The following SOX5 variants were observed in gnomAD, a reference collection of about 807,000 sequenced individuals.
SOX5 encodes SRY-box transcription factor 5, also known as transcription factor SOX-5.
A neutral mutation model predicts 92.0 loss-of-function variants in SOX5; 9 were observed. That is an observed-to-expected ratio of 0.10 (90% CI 0.06 to 0.17). The LOEUF (loss-of-function observed/expected upper bound fraction) is 0.17. SOX5 is among the 10% of genes least tolerant of loss of function. The pLI is 1.00. For synonymous variants in SOX5, 344 were observed against 336.3 expected, an observed-to-expected ratio of 1.02 and a Z score of -0.25; for missense variants, 642 against 944.5, an observed-to-expected ratio of 0.68 and a Z score of 4.20.
intron 4 of SOX5, among the ~76,000 whole-genome samples, chr12:24,100,813 G>A (rs187734628): frequency 2.0e-5 from 3 of 152,120 alleles, no homozygotes; most frequent in East Asian, 3.9e-4. Context: ...TTCACTAAAT[G>A]TCATCTACAT....
Position 23,874,972 on chromosome 12 carries a change from G to T in SOX5, c.270+20821C>A, listed in dbSNP as rs113037452. On this transcript the variant is annotated intron_variant, in intron 2 of 14. Coordinates refer to ENST00000451604, the MANE Select transcript of SOX5 (RefSeq NM_006940.6). ...TCAAAAGACCTCAGGCTTTAATGTG[G>T]CCTACGTGGATATTTTAGAACAGTG... is the stretch of plus-strand genomic sequence containing the variant. 5.1e-3 allele frequency among the ~76,000 whole-genome samples: 773 copies of T among 152,300 alleles called. 3 individuals are homozygous for T. The highest frequency in any genetic ancestry group is 0.016 in the South Asian group (77 of 4,820).
At chr12:24,365,377 C>G (rs1430504535) in intron 2 of SOX5, among the ~76,000 whole-genome samples, 1 of 152,052 alleles carries the variant, frequency 6.6e-6, no homozygotes, top group East Asian at 1.9e-4. Flanking sequence ...CATCTTCCAT[C>G]TCAGTGAGAG....
At chr12:24,142,087 C>G (rs1181546359) in intron 4 of SOX5, among the ~76,000 whole-genome samples, 2 of 152,070 alleles carry the variant, frequency 1.3e-5, no homozygotes, top group African/African-American at 4.8e-5. Flanking sequence ...AAAATTTCTC[C>G]TTTTTCTGCT....
chr12:24,066,406 G>C (rs896658883), intron 4 of SOX5, among the ~76,000 whole-genome samples: 2 of 152,268 alleles, frequency 1.3e-5, no homozygotes, highest in South Asian at 2.1e-4. Context: ...TGAAGATGTA[G>C]TGAAAAACTT....
At chr12:23,991,302 C>A (rs564547920) in intron 4 of SOX5, among the ~76,000 whole-genome samples, 1 of 151,144 alleles carries the variant, frequency 6.6e-6, no homozygotes, top group African/African-American at 2.4e-5. Flanking sequence ...GTCAAGGCTG[C>A]AAGACCTTGT....
At chr12:23,962,381 A>G (rs1375733031) in intron 4 of SOX5, among the ~76,000 whole-genome samples, 3 of 152,186 alleles carry the variant, frequency 2.0e-5, no homozygotes, top group African/African-American at 4.8e-5. Context: ...ACGCAAACAC[A>G]CAGACGCAGG....
chr12:23,633,838 C>T (rs2078871133), intron 8 of SOX5, among the ~76,000 whole-genome samples: 1 of 152,086 alleles, frequency 6.6e-6, no homozygotes, highest in Admixed American at 6.6e-5. Flanking sequence ...TAGGAATTCT[C>T]AAGTATTGTA....
chr12:24,288,754 TA>T (rs777141805), intron 2 of SOX5, among the ~76,000 whole-genome samples: 36 of 145,970 alleles, frequency 2.5e-4, no homozygotes, highest in African/African-American at 6.2e-4. Flanking sequence ...GTCCAACCTT[TA>T]AAAAAAAAAA....
At position 24,536,623 on chromosome 12, in the gene SOX5, C is replaced by A. The variant is rs560401857; in HGVS notation, c.-251+25706G>T. On this transcript the variant is annotated intron_variant, in intron 1 of 4. Transcript: ENST00000446891. ...AATCCCTGCTCAAAAAGTTAAACTT[C>A]TGGCCCTAATTAAGATTCAGAAAAG... is the stretch of plus-strand genomic sequence containing the variant. 7.9e-5 allele frequency among the ~76,000 whole-genome samples: 12 copies of A among 152,278 alleles called. No individual in the cohort carries two copies. The East Asian group carries it at 2.3e-3, about 29-fold the overall frequency.
intron 4 of SOX5, among the ~76,000 whole-genome samples, chr12:24,187,290 G>A (rs907485820): frequency 6.6e-6 from 1 of 152,176 alleles, no homozygotes; most frequent in Non-Finnish European, 1.5e-5. Context: ...AGCAAGAAGA[G>A]TTGCGTTCCA....
intron 8 of SOX5, among the ~76,000 whole-genome samples, chr12:23,635,186 G>A (rs1390372216): frequency 6.6e-6 from 1 of 152,138 alleles, no homozygotes; most frequent in African/African-American, 2.4e-5. Context: ...TGAAACCTGA[G>A]GGGTAAGTGG....
At chr12:24,231,000 G>A (rs189007711) in intron 3 of SOX5, among the ~76,000 whole-genome samples, 108 of 152,194 alleles carry the variant, frequency 7.1e-4, no homozygotes, top group Middle Eastern at 3.4e-3. Flanking sequence ...TGCATTCCCC[G>A]TTTTTGAAGA....
upstream of SOX5, chr12:23,949,719 C>A (rs912075603): frequency 7.4e-6 from 9 of 1,223,260 alleles, no homozygotes; most frequent in Admixed American, 2.4e-5. Context: ...CTCTTCCCCC[C>A]CTCCCTCCCT....
intron 1 of SOX5, among the ~76,000 whole-genome samples, chr12:24,494,591 C>T (rs147663963): frequency 1.3e-5 from 2 of 152,064 alleles, no homozygotes; most frequent in Admixed American, 6.6e-5. Context: ...CAACTTCAAC[C>T]CCCACCTTTA....
In SOX5 at chr12:23,578,144, A is replaced by AAAAAAAAAAAAAAAAAAAG. The variant is rs1432589481; in HGVS notation, c.1165-2307_1165-2306insCTTTTTTTTTTTTTTTTTT. Among the ~76,000 whole-genome samples, 101 of 134,974 alleles carry AAAAAAAAAAAAAAAAAAAG rather than the reference A, an allele frequency of 7.5e-4. 2 individuals are homozygous for AAAAAAAAAAAAAAAAAAAG. The highest frequency in any genetic ancestry group is 1.5e-3 in the Non-Finnish European group (94 of 61,714). The allele number at this position is 134,974 out of a possible 152,430, so 88.5% of individuals were successfully genotyped here. A position where few individuals can be genotyped will look rare whatever the true frequency, so the allele number is the denominator to read the frequency against. ...AAAAAAAAAAAAAAAAAAAAAAAAA[A>AAAAAAAAAAAAAAAAAAAG]AAAAAACTATAGGGGCAATATTATC... On this transcript the variant is annotated intron_variant, in intron 9 of 14. Coordinates refer to ENST00000451604, the MANE Select transcript of SOX5 (RefSeq NM_006940.6).
intron 1 of SOX5, among the ~76,000 whole-genome samples, chr12:24,436,364 T>C (rs1174628425): frequency 6.6e-6 from 1 of 152,118 alleles, no homozygotes; most frequent in Non-Finnish European, 1.5e-5. Flanking sequence ...GATAAGAAAG[T>C]GAAACAGACT....
At chr12:23,666,033 C>T (rs1174040571) in intron 6 of SOX5, among the ~76,000 whole-genome samples, 1 of 151,856 alleles carries the variant, frequency 6.6e-6, no homozygotes, top group East Asian at 1.9e-4. Flanking sequence ...TTCTCATGTT[C>T]ACACATAATA....
chr12:23,869,474 C>T (rs922105027), intron 2 of SOX5, among the ~76,000 whole-genome samples: 2 of 152,064 alleles, frequency 1.3e-5, no homozygotes, highest in African/African-American at 2.4e-5. Flanking sequence ...AGCCTTTCTT[C>T]ATTTCTACCC....
intron 1 of SOX5, among the ~76,000 whole-genome samples, chr12:24,420,090 C>G (rs1965687274): frequency 6.6e-6 from 1 of 152,226 alleles, no homozygotes; most frequent in South Asian, 2.1e-4. Flanking sequence ...AGTAAAGCTT[C>G]TAACAGGCCT....
Sources: gnomAD v4.1 joint callset for allele counts (sites outside exome capture counted in the v4.1 genomes callset) on GRCh38, gnomAD v4.1.1 for gene constraint, MANE v1.5 for transcripts, NCBI Gene and HGNC (gene_info 2026-07-23, HGNC 2026-07-21) for gene names.